Variants in PAK1 observed in about 807,000 individuals in gnomAD.
PAK1 encodes the protein p21 (RAC1) activated kinase 1, also known as serine/threonine-protein kinase PAK 1.
In PAK1, 29 loss-of-function variants were observed where a neutral mutation model predicts 67.4. The observed-to-expected ratio is 0.43, with a 90% CI of 0.32 to 0.59. PAK1 has a LOEUF of 0.59. Among genes scored for constraint, PAK1 ranks in the 20% least tolerant of loss-of-function variants. The pLI, the probability that PAK1 is intolerant of heterozygous loss-of-function variation, is 0.07. For missense variants in PAK1, 337 were observed against 670.7 expected (o/e 0.50, Z 5.50); for synonymous variants, 223 against 237.4 (o/e 0.94, Z 0.56).
chr11:77,385,595 C>T (rs1347623120), intron 2 of PAK1, among the ~76,000 whole-genome samples: 4 of 152,212 alleles, frequency 2.6e-5, no homozygotes, highest in African/African-American at 9.6e-5. Flanking sequence ...GTGGCCCATG[C>T]CTGTAATCCC....
chr11:77,378,209 C>T (rs1365170393), intron 4 of PAK1, among the ~76,000 whole-genome samples: 2 of 152,194 alleles, frequency 1.3e-5, no homozygotes, highest in African/African-American at 4.8e-5. Flanking sequence ...TTCTTTGGTT[C>T]TCACACCTGC....
chr11:77,410,094 C>T (rs866317266), intron 1 of PAK1, among the ~76,000 whole-genome samples: 11 of 152,292 alleles, frequency 7.2e-5, no homozygotes, highest in African/African-American at 2.6e-4. Flanking sequence ...TCCTGTCCCT[C>T]CAACCCATCC....
At chr11:77,356,431 T>C (rs893448425) in intron 6 of PAK1, 1 of 152,270 alleles carries the variant, frequency 6.6e-6, no homozygotes, top group Non-Finnish European at 1.5e-5. Context: ...CAAGAGGTAG[T>C]AGAGTGTGAT....
chr11:77,326,968 C>T (rs969167668), intron 14 of PAK1, among the ~76,000 whole-genome samples: 1 of 152,074 alleles, frequency 6.6e-6, no homozygotes, highest in Admixed American at 6.5e-5. Flanking sequence ...AACCAAGGCA[C>T]GAGAGCTACG....
At chr11:77,524,160 T>C in the PAK1 span, among the ~76,000 whole-genome samples, 1 of 152,202 alleles carries the variant, frequency 6.6e-6, no homozygotes, top group Non-Finnish European at 1.5e-5. Context: ...GAATAAAACA[T>C]CGTTGGATCA....
intron 5 of PAK1, among the ~76,000 whole-genome samples, chr11:77,361,746 A>C (rs1167838216): frequency 6.6e-6 from 1 of 152,142 alleles, no homozygotes; most frequent in Non-Finnish European, 1.5e-5. Flanking sequence ...AGTTCTTTTA[A>C]AGTATAGTCT....
the PAK1 span, among the ~76,000 whole-genome samples, chr11:77,499,987 G>C: frequency 6.6e-6 from 1 of 152,140 alleles, no homozygotes; most frequent in Admixed American, 6.5e-5. Flanking sequence ...GAAAGTGGCT[G>C]GAAGACCTCT....
At chr11:77,467,956 T>C (rs1957674637) in intron 1 of PAK1, among the ~76,000 whole-genome samples, 1 of 152,164 alleles carries the variant, frequency 6.6e-6, no homozygotes. Context: ...TTTGTGGGAA[T>C]CCAGGAGGAA....
chr11:77,415,710 A>T (rs2138114188), intron 1 of PAK1, among the ~76,000 whole-genome samples: 1 of 152,268 alleles, frequency 6.6e-6, no homozygotes, highest in South Asian at 2.1e-4. Flanking sequence ...GTGAGAGGTA[A>T]GTGAATGGAA....
intron 1 of PAK1, among the ~76,000 whole-genome samples, chr11:77,464,979 T>C (rs925754142): frequency 6.9e-6 from 1 of 144,422 alleles, no homozygotes; most frequent in Non-Finnish European, 1.5e-5. Context: ...GATTGGTACA[T>C]ACATGAAAGA....
the PAK1 span, among the ~76,000 whole-genome samples, chr11:77,499,533 A>G: frequency 4.3e-4 from 65 of 152,000 alleles, no homozygotes; most frequent in Admixed American, 2.0e-4. Flanking sequence ...TATAGTTCCT[A>G]CTCATCCTTC....
At chr11:77,356,332 G>C (rs1209288153) in intron 6 of PAK1, 1 of 152,880 alleles carries the variant, frequency 6.5e-6, no homozygotes, top group Non-Finnish European at 1.5e-5. Flanking sequence ...ATAGCACTTT[G>C]CATTACTAGT....
At chr11:77,497,553 T>A in the PAK1 span, among the ~76,000 whole-genome samples, 1 of 152,308 alleles carries the variant, frequency 6.6e-6, no homozygotes, top group Admixed American at 6.5e-5. Flanking sequence ...ACAGCCTGGC[T>A]TAGGAGAGGG....
chr11:77,483,263 C>T, the PAK1 span, among the ~76,000 whole-genome samples: 1 of 150,666 alleles, frequency 6.6e-6, no homozygotes, highest in East Asian at 2.0e-4. Flanking sequence ...AAGAGTATAA[C>T]CAGCTGGTTG....
At chr11:77,363,113 C>A (rs758867040) in intron 5 of PAK1, among the ~76,000 whole-genome samples, 48 of 152,014 alleles carry the variant, frequency 3.2e-4, no homozygotes, top group Non-Finnish European at 1.5e-4. Flanking sequence ...AAGACTATAT[C>A]CTAAGGAAAT....
intron 1 of PAK1, among the ~76,000 whole-genome samples, chr11:77,407,816 C>T (rs766232422): frequency 5.3e-5 from 8 of 152,176 alleles, no homozygotes; most frequent in Non-Finnish European, 8.8e-5. Context: ...CAAGTGGCCT[C>T]GAGCCAGAAG....
At chr11:77,332,923 C>A in intron 13 of PAK1, 56 bp from the exon 14 acceptor site, 2 of 1,548,706 alleles carry the variant, frequency 1.3e-6, no homozygotes, top group Non-Finnish European at 1.8e-6. Context: ...TCTCTTGTTC[C>A]CCATATACAA....
chr11:77,413,534 A>C (rs1348505556), intron 1 of PAK1, among the ~76,000 whole-genome samples: 2 of 151,980 alleles, frequency 1.3e-5, no homozygotes, highest in African/African-American at 4.8e-5. Flanking sequence ...AAACACAAAA[A>C]ATTAGCTGGA....
At chr11:77,434,375 T>C (rs1320836085) in intron 1 of PAK1, among the ~76,000 whole-genome samples, 1 of 152,110 alleles carries the variant, frequency 6.6e-6, no homozygotes, top group Non-Finnish European at 1.5e-5. Context: ...CCAAATATTA[T>C]TTAGCAATAA....
Sources: gnomAD v4.1 joint callset for allele counts (sites outside exome capture counted in the v4.1 genomes callset) on GRCh38, gnomAD v4.1.1 for gene constraint, MANE v1.5 for transcripts, NCBI Gene and HGNC (gene_info 2026-07-23, HGNC 2026-07-21) for gene names.